The following PACS2 variants were observed in gnomAD, a reference collection of about 807,000 sequenced individuals.
PACS2 encodes PACS1-like protein.
A neutral mutation model predicts 113.0 loss-of-function variants in PACS2; 36 were observed. The observed-to-expected ratio is 0.32, with a 90% CI of 0.24 to 0.42. PACS2 has a LOEUF of 0.42. Ranked by LOEUF, PACS2 falls within the 10% of genes least tolerant of loss-of-function variation. The probability of loss-of-function intolerance (pLI) is 1.00; values close to 1 mark genes in which losing one functional copy is unlikely to be tolerated. For synonymous variants in PACS2, 589 were observed against 536.1 expected (o/e 1.10, Z -1.36); for missense variants, 1,015 against 1,239.5 (o/e 0.82, Z 2.72).
chr14:105,390,486 C>T (rs1330432642), intron 20 of PACS2: 1 of 181,960 alleles, frequency 5.5e-6, no homozygotes, highest in Non-Finnish European at 1.2e-5. Flanking sequence ...CCCTGGGTCT[C>T]CACAGCCTGT....
At chr14:105,394,056 A>AAAG (rs1273855602) in intron 24 of PACS2, among the ~76,000 whole-genome samples, 4,163 of 144,520 alleles carry the variant, frequency 0.029, 260 homozygotes, top group African/African-American at 0.1. Context: ...AAAAAAAAAA[A>AAAG]GGGGTTTTGG....
intron 9 of PACS2, 106 bp from the exon 10 acceptor site, chr14:105,379,633 T>C: frequency 1.1e-6 from 1 of 892,344 alleles, no homozygotes; most frequent in Non-Finnish European, 1.8e-6. Context: ...TGCTCTGCCG[T>C]TGGATTCTGC....
intron 4 of PACS2, among the ~76,000 whole-genome samples, chr14:105,361,788 A>G (rs936117168): frequency 6.6e-6 from 1 of 152,128 alleles, no homozygotes; most frequent in African/African-American, 2.4e-5. Context: ...CGTCTCTACT[A>G]AAAATACAAA....
chr14:105,322,575 C>A (rs8004328), intron 1 of PACS2, among the ~76,000 whole-genome samples: 17,531 of 152,236 alleles, frequency 0.12, 3,422 homozygotes, highest in African/African-American at 0.4. Context: ...CTACCCTGTA[C>A]ATTTTAATGT....
chr14:105,350,411 G>C (rs942922744), intron 2 of PACS2, among the ~76,000 whole-genome samples: 1 of 152,148 alleles, frequency 6.6e-6, no homozygotes, highest in South Asian at 2.1e-4. Flanking sequence ...TCCTCTGCCT[G>C]TCTCTGGTCC....
chr14:105,349,953 G>A (rs782615117), intron 2 of PACS2, among the ~76,000 whole-genome samples: 12 of 149,994 alleles, frequency 8.0e-5, no homozygotes, highest in Non-Finnish European at 7.4e-5. Flanking sequence ...CCAGGAGAGC[G>A]TGGCTAATAG....
chr14:105,392,418 C>T lies in PACS2; in HGVS notation c.2256-201C>T, dbSNP rs2081391692. The T allele has an allele frequency of 5.1e-6, 3 of 591,474 alleles. No homozygotes were observed. The South Asian group carries it at 6.2e-5, about 12-fold the overall frequency. 36.6% of individuals were successfully genotyped at this position (591,474 alleles called of 1,614,324 possible). On this transcript the variant is annotated intron_variant, in intron 22 of 24. Coordinates refer to ENST00000447393, the MANE Select transcript of PACS2 (RefSeq NM_001100913.3). ...CGAGGCTCTCCTGTCGCCAGGGTCC[C>T]TGTAATTTAAGCAGGACCCTTGTGG... is the stretch of plus-strand genomic sequence containing the variant.
Position 105,379,789 on chromosome 14 carries a change from G to C in PACS2, c.1010G>C (p.Ser337Thr). The change falls in exon 10 of 25, where the codon AGC becomes ACC. Residue 337 changes from serine to threonine, a missense_variant. Transcript: ENST00000447393. ...SHSSSQTEIG[S>T]IHSARSHKEP... is the part of the protein sequence containing the mutation. The stretch of plus-strand genomic sequence containing the variant: ...TCGAGCTCGCAGACGGAGATTGGGA[G>C]CATCCACAGCGCCCGCAGCCACAAG... The C allele has an allele frequency of 1.2e-6, 2 of 1,613,510 alleles. No homozygotes were observed. The highest frequency in any genetic ancestry group is 1.7e-6 in the Non-Finnish European group (2 of 1,180,012).
rs1346955352 is a variant in PACS2 at position 105,397,525 on chromosome 14, A to C, written c.*2853A>C. On this transcript the variant is annotated 3_prime_UTR_variant, in exon 25 of 25. Transcript: ENST00000447393. ...GGCCACTGTCCACTATTACGTAGACAGACCCCACCCTCACCCAGGCCAGCT... is the reference window on the plus strand; with the variant it reads ...GGCCACTGTCCACTATTACGTAGACCGACCCCACCCTCACCCAGGCCAGCT... 3 of 152,208 alleles carry C rather than the reference A, an allele frequency of 2.0e-5. No homozygotes were observed. Among genetic ancestry groups the C allele is most frequent in the African/African-American group, 7.2e-5 (3 of 41,416 alleles). The allele number at this position is 152,208 out of a possible 1,614,324, so 9.4% of individuals were successfully genotyped here.
In PACS2 at chr14:105,354,403, A is replaced by G. The variant is rs1211975287; in HGVS notation, c.298-649A>G. Among the ~76,000 whole-genome samples the G allele has an allele frequency of 2.6e-5, 4 of 152,154 alleles. No individual in the cohort carries two copies. The highest frequency in any genetic ancestry group is 9.7e-5 in the African/African-American group (4 of 41,430). On this transcript the variant is annotated intron_variant, in intron 3 of 24. Transcript: ENST00000447393. The surrounding 1 kb of genome is among the most constrained non-coding windows in gnomAD (Gnocchi z 4.2). ...AGGTGTGAGCCACCGCGCCTGGCCC[A>G]ATGCTCCATGGTTCAGTGGGTTTTG...
intron 1 of PACS2, among the ~76,000 whole-genome samples, chr14:105,343,221 G>C (rs1250167067): frequency 3.3e-5 from 5 of 152,154 alleles, no homozygotes; most frequent in African/African-American, 4.8e-5. Flanking sequence ...ATCACGTATC[G>C]ATCTGTTCCT....
chr14:105,318,706 TG>T (rs2058762932), intron 1 of PACS2, among the ~76,000 whole-genome samples: 2 of 152,018 alleles, frequency 1.3e-5, no homozygotes, highest in Admixed American at 1.3e-4. Context: ...TCACCCAGGC[TG>T]GAGTGCAGTG....
rs587756928 is a variant in PACS2 at position 105,376,875 on chromosome 14, C to G, written c.909C>G (p.Pro303=). 6.2e-7 allele frequency: 1 copy of G among 1,613,068 alleles called. No individual in the cohort carries two copies. The highest frequency in any genetic ancestry group is 2.2e-5 in the East Asian group (1 of 44,876). The stretch of plus-strand genomic sequence containing the variant: ...TGGAGCACCCCAGCGACAGCGGCCC[C>G]GACATGGAGGATGACGACAGCGTCC... ...LDMEHPSDSG[P]DMEDDDSVLS... is the part of the protein sequence containing the mutation. The change falls in exon 9 of 25, where the codon CCC becomes CCG. Residue 303 remains proline (P), a synonymous_variant. Transcript: ENST00000447393. This position sits in a 1 kb window ranked among gnomAD's most constrained non-coding sequence, Gnocchi z 4.7.
chr14:105,385,847 C>G (rs1428801612), intron 19 of PACS2, 130 bp downstream of exon 19: 4 of 531,508 alleles, frequency 7.5e-6, no homozygotes, highest in African/African-American at 3.9e-5. Flanking sequence ...CTGAGGGCCA[C>G]CAGCTGCAGG....
rs1248321130 is a variant in PACS2 at position 105,324,198 on chromosome 14, G to T, written c.119+9161G>T. Reference sequence around the variant, plus strand: ...AGGTTTGATGGAGTGGGCAGCTGCGGTGCTGTGGCGGGGTCGGGGGGCTGC... The same window carrying T: ...AGGTTTGATGGAGTGGGCAGCTGCGTTGCTGTGGCGGGGTCGGGGGGCTGC... On this transcript the variant is annotated intron_variant, in intron 1 of 24. Transcript: ENST00000447393. This position sits in a 1 kb window ranked among gnomAD's most constrained non-coding sequence, Gnocchi z 4.7. 6.6e-6 allele frequency among the ~76,000 whole-genome samples: 1 copy of T among 152,218 alleles called. No individual in the cohort carries two copies. Among genetic ancestry groups the T allele is most frequent in the African/African-American group, 2.4e-5 (1 of 41,444 alleles).
rs1555411480 is a variant in PACS2 at position 105,379,851 on chromosome 14, T to A, written c.1050+22T>A. The A allele has an allele frequency of 6.9e-6, 11 of 1,604,476 alleles. No individual in the cohort carries two copies. The Admixed American group carries it at 1.7e-4, about 24-fold the overall frequency. ...CCCGGTGAGTGGGGCCACACTGATCTCCCAGAGCAGACCGTGGTCTGACTG... is the reference window on the plus strand; with the variant it reads ...CCCGGTGAGTGGGGCCACACTGATCACCCAGAGCAGACCGTGGTCTGACTG... On this transcript the variant is annotated intron_variant, in intron 10 of 24. Coordinates refer to ENST00000447393, the MANE Select transcript of PACS2 (RefSeq NM_001100913.3).
Position 105,356,877 on chromosome 14 carries a change from G to A in PACS2, c.423+1700G>A, listed in dbSNP as rs74090512. Among the ~76,000 whole-genome samples the A allele has an allele frequency of 4.3e-3, 598 of 137,958 alleles. 23 individuals carry two copies. Among genetic ancestry groups the A allele is most frequent in the African/African-American group, 0.019 (556 of 29,128 alleles). The allele number at this position is 137,958 out of a possible 152,430, so 90.5% of individuals were successfully genotyped here. Reference sequence around the variant, plus strand: ...TGTGTTTCCCATTAGCCATTCAGGCGATGTCCTGCTGATCCCTGCTGGTCC... The same window carrying A: ...TGTGTTTCCCATTAGCCATTCAGGCAATGTCCTGCTGATCCCTGCTGGTCC... On this transcript the variant is annotated intron_variant, in intron 4 of 24. Coordinates refer to ENST00000447393, the MANE Select transcript of PACS2 (RefSeq NM_001100913.3). The surrounding 1 kb of genome is among the most constrained non-coding windows in gnomAD (Gnocchi z 4.0).
intron 18 of PACS2, 61 bp downstream of exon 18, chr14:105,385,048 G>A (rs2081127901): frequency 9.4e-7 from 1 of 1,061,824 alleles, no homozygotes; most frequent in Non-Finnish European, 1.4e-6. Context: ...CCCTCCGTGG[G>A]CCTCCCCACC....
upstream of PACS2, chr14:105,314,682 C>T (rs1418446443): frequency 7.0e-6 from 1 of 142,886 alleles, no homozygotes; most frequent in Admixed American, 6.9e-5. Context: ...GCGCCGGGCG[C>T]GCGCGGGGCG....
Sources: allele counts gnomAD v4.1 joint callset (sites outside exome capture counted in the v4.1 genomes callset), GRCh38; gene constraint gnomAD v4.1.1; non-coding constraint Gnocchi (gnomAD v3.1); transcripts MANE v1.5; gene names NCBI Gene and HGNC (gene_info 2026-07-23, HGNC 2026-07-21).